PLEC: variants seen among roughly 807,000 people sequenced by gnomAD.
The protein encoded by PLEC is plectin, also known as hemidesmosomal protein 1.
PLEC carries 216 observed loss-of-function variants against 392.8 expected under a neutral mutation model. The ratio of observed to expected loss-of-function variants is 0.55; its 90% CI spans 0.49 to 0.62. PLEC has a LOEUF of 0.62. Among genes scored for constraint, PLEC ranks in the 20% least tolerant of loss-of-function variants. The pLI, the probability that PLEC is intolerant of heterozygous loss-of-function variation, is 0.00. For missense variants in PLEC, 6,863 were observed against 6,563.4 expected (o/e 1.05, Z -1.58); for synonymous variants, 3,621 against 2,980.6 (o/e 1.21, Z -7.00).
intron 1 of PLEC, among the ~76,000 whole-genome samples, chr8:143,970,448 C>G (rs1180975682): frequency 6.6e-6 from 1 of 152,140 alleles, no homozygotes; most frequent in South Asian, 2.1e-4. Flanking sequence ...TTACAGGGAG[C>G]TCAGACTGAG....
chr8:143,925,078 C>T lies in PLEC; in HGVS notation c.4851G>A (p.Gln1617=), dbSNP rs1419478027. The T allele has an allele frequency of 8.4e-6, 13 of 1,540,286 alleles. No homozygotes were observed. The highest frequency in any genetic ancestry group is 1.2e-5 in the South Asian group (1 of 84,774). Residue 1617 remains glutamine (Q), a synonymous_variant, in exon 31 of 32, where the codon CAG becomes CAA. Transcript: ENST00000345136. ...REEAERRAQQ[Q]AEAERAREEA... ...CCTCGCGCGCCCGCTCGGCCTCGGC[C>T]TGCTGCTGTGCCCGCCGCTCAGCCT...
At position 143,918,532 on chromosome 8, in the gene PLEC, C is replaced by T. The variant is rs373507638; in HGVS notation, c.11289G>A (p.Ser3763=). 19 of 1,609,374 alleles carry T rather than the reference C, an allele frequency of 1.2e-5. No individual in the cohort carries two copies. Among genetic ancestry groups the T allele is most frequent in the Admixed American group, 8.4e-5 (5 of 59,744 alleles). The change falls in exon 32 of 32, where the codon TCG becomes TCA. Residue 3763 remains serine, a synonymous_variant. Coordinates refer to ENST00000345136, the MANE Select transcript of PLEC (RefSeq NM_201384.3). ...VGPELHDRLL[S]AERAVTGYRD... Reference sequence around the variant, plus strand: ...GGTAGCCGGTGACCGCCCGCTCAGCCGAGAGCAGGCGGTCGTGCAGCTCGG... The same window carrying T: ...GGTAGCCGGTGACCGCCCGCTCAGCTGAGAGCAGGCGGTCGTGCAGCTCGG...
intron 25 of PLEC, 45 bp from the exon 26 acceptor site, chr8:143,928,037 A>C: frequency 6.4e-7 from 1 of 1,555,852 alleles, no homozygotes. Flanking sequence ...GGGCTCGAGC[A>C]ATAGCCCAAG....
chr8:143,935,222 C>T lies in PLEC; in HGVS notation c.694G>A (p.Val232Met), dbSNP rs1212780465. 9.3e-6 allele frequency: 15 copies of T among 1,612,478 alleles called. No individual in the cohort carries two copies. Among genetic ancestry groups the T allele is most frequent in the Non-Finnish European group, 1.3e-5 (15 of 1,179,952 alleles). The change falls in exon 7 of 32, where the codon GTG becomes ATG. Residue 232 changes from valine (V) to methionine (M), a missense_variant. Val to Met is a conservative substitution (Grantham distance 21). Coordinates refer to ENST00000345136, the MANE Select transcript of PLEC (RefSeq NM_201384.3). ...CCCTCAGGGTCCAGGAGCCGCGTCACTCCCAGGTCCCGCTCCGCCACAGAG... is the reference window on the plus strand; with the variant it reads ...CCCTCAGGGTCCAGGAGCCGCGTCATTCCCAGGTCCCGCTCCGCCACAGAG... ...AFSVAERDLG[V>M]TRLLDPEDVD...
chr8:143,962,888 A>T (rs1832931587), intron 1 of PLEC, among the ~76,000 whole-genome samples: 1 of 152,228 alleles, frequency 6.6e-6, no homozygotes, highest in Admixed American at 6.5e-5. Flanking sequence ...AAAAGGAAAC[A>T]GCATGGGTGA....
At position 143,950,059 on chromosome 8, in the gene PLEC, G is replaced by C. The variant is rs549134086; in HGVS notation, c.523+125C>G. 3.2e-6 allele frequency: 4 copies of C among 1,264,834 alleles called. No homozygotes were observed. In the South Asian group the frequency reaches 4.8e-5, roughly 15 times the overall value. The allele number at this position is 1,264,834 out of a possible 1,614,324, so 78.4% of individuals were successfully genotyped here. A position where few individuals can be genotyped will look rare whatever the true frequency, so the allele number is the denominator to read the frequency against. ...CTCGGCTAGGGGGGGCCACCTGCTG[G>C]TGTGAGCGACGCTCCGCAAGCCGGC... On this transcript the variant is annotated intron_variant, in intron 1 of 31. Coordinates refer to the PLEC transcript ENST00000322810.
In PLEC at chr8:143,930,554, C is replaced by T. The variant is rs782348541; in HGVS notation, c.2305-18G>A. On this transcript the variant is annotated intron_variant, in intron 19 of 31. Coordinates refer to ENST00000345136, the MANE Select transcript of PLEC (RefSeq NM_201384.3). ...TTCTCGTCCTGTGGGGGAGGGGCAG[C>T]ATCCAGACGAGGGCCATGGAGACCC... 25 of 1,573,598 alleles carry T rather than the reference C, an allele frequency of 1.6e-5. No homozygotes were observed. Among genetic ancestry groups the T allele is most frequent in the African/African-American group, 4.1e-5 (3 of 73,868 alleles).
Position 143,920,726 on chromosome 8 carries a change from T to G in PLEC, c.9095A>C (p.Glu3032Ala). The G allele has an allele frequency of 1.9e-6, 3 of 1,603,624 alleles. No homozygotes were observed. The highest frequency in any genetic ancestry group is 2.5e-6 in the Non-Finnish European group (3 of 1,179,890). ...GANVIAGVWL[E>A]EAGQKLSIYN... ...GATACTCAGCTTCTGCCCCGCCTCC[T>G]CCAGCCATACACCCGCGATGACGTT... Residue 3032 changes from glutamate to alanine, a missense_variant, in exon 32 of 32, where the codon GAG (glutamate) becomes GCG (alanine). Coordinates refer to ENST00000345136, the MANE Select transcript of PLEC (RefSeq NM_201384.3).
In PLEC at chr8:143,925,779, C is replaced by A. The variant is rs782681160; in HGVS notation, c.4150G>T (p.Ala1384Ser). ...QLAEAHAQAK[A>S]QAEREAKELQ... Reference sequence around the variant, plus strand: ...TCCTTCGCCTCCCGCTCCGCCTGTGCCTTTGCCTGGGCGTGCGCCTCGGCC... The same window carrying A: ...TCCTTCGCCTCCCGCTCCGCCTGTGACTTTGCCTGGGCGTGCGCCTCGGCC... Residue 1384 changes from alanine to serine, a missense_variant, in exon 31 of 32, where the codon GCA becomes TCA. Ala to Ser is a moderately conservative substitution (Grantham distance 99). Transcript: ENST00000345136. The A allele has an allele frequency of 3.0e-5, 48 of 1,588,296 alleles. No homozygotes were observed. The highest frequency in any genetic ancestry group is 3.7e-5 in the Non-Finnish European group (44 of 1,174,708).
At chr8:143,938,593 C>T in intron 2 of PLEC, 38 bp downstream of exon 2, 6 of 1,606,440 alleles carry the variant, frequency 3.7e-6, no homozygotes, top group Non-Finnish European at 5.1e-6. Context: ...CTCCCACAGC[C>T]TCAGCCCCTG....
rs1587007878 is a variant in PLEC at position 143,929,555 on chromosome 8, A to G, written c.2940T>C (p.Ser980=). ...QSLEQGAQEE[S]RCQRCISELK... The stretch of plus-strand genomic sequence containing the variant: ...GCTCGGAGATGCAGCGCTGGCAGCG[A>G]GACTCTTCCTGTGCACCTGGGGAAC... The change falls in exon 24 of 32, where the codon TCT becomes TCC. Residue 980 remains serine, a synonymous_variant. Coordinates refer to ENST00000345136, the MANE Select transcript of PLEC (RefSeq NM_201384.3). The G allele has an allele frequency of 6.2e-7, 1 of 1,612,572 alleles. No individual in the cohort carries two copies. Among genetic ancestry groups the G allele is most frequent in the East Asian group, 2.2e-5 (1 of 44,874 alleles).
Position 143,920,032 on chromosome 8 carries a change from A to G in PLEC, c.9789T>C (p.Thr3263=). 1.9e-5 allele frequency: 31 copies of G among 1,613,280 alleles called. No homozygotes were observed. Among genetic ancestry groups the G allele is most frequent in the Non-Finnish European group, 2.6e-5 (31 of 1,180,016 alleles). ...VWELISSEYF[T]AEQRQELLRQ... is the part of the protein sequence containing the mutation. Reference sequence around the variant, plus strand: ...GCAACAGCTCCTGCCGCTGCTCCGCAGTGAAGTACTCAGAGCTGATGAGCT... The same window carrying G: ...GCAACAGCTCCTGCCGCTGCTCCGCGGTGAAGTACTCAGAGCTGATGAGCT... The change falls in exon 32 of 32, where the codon ACT becomes ACC. Residue 3263 remains threonine (T), a synonymous_variant. Coordinates refer to ENST00000345136, the MANE Select transcript of PLEC (RefSeq NM_201384.3).
chr8:143,975,089 A>C, upstream of PLEC: 1 of 1,439,360 alleles, frequency 6.9e-7, no homozygotes, highest in South Asian at 1.2e-5. This position sits in a 1 kb window ranked among gnomAD's most constrained non-coding sequence, Gnocchi z 9.9. Context: ...TCCCCCACCC[A>C]GTCCCCGCTC....
intron 1 of PLEC, among the ~76,000 whole-genome samples, chr8:143,971,316 G>A (rs1833417932): frequency 3.3e-5 from 5 of 152,128 alleles, no homozygotes; most frequent in Admixed American, 3.3e-4. Flanking sequence ...CACAGGCCTG[G>A]CCTCCCTGCC....
At chr8:143,931,701 A>G in intron 18 of PLEC, 42 bp from the exon 19 acceptor site, 1 of 1,580,680 alleles carries the variant, frequency 6.3e-7, no homozygotes. Flanking sequence ...ACCTGGGACC[A>G]GAGCCCCAGC....
Position 143,921,639 on chromosome 8 carries a change from T to C in PLEC, c.8182A>G (p.Ile2728Val), listed in dbSNP as rs200061415. 6.7e-4 allele frequency: 1,075 copies of C among 1,612,856 alleles called. 13 individuals carry two copies. The highest frequency in any genetic ancestry group is 1.3e-4 in the Non-Finnish European group (155 of 1,179,904). ...RQLLSPGTALILLEAQAASGF... is the reference protein window; with the variant it reads ...RQLLSPGTALVLLEAQAASGF... ...GAGGCCGCCTGCGCCTCCAGCAGGA[T>C]GAGGGCCGTGCCGGGACTCAGCAGC... Residue 2728 changes from isoleucine to valine, a missense_variant, in exon 32 of 32, where the codon ATC becomes GTC. Ile to Val is a conservative substitution (Grantham distance 29). Coordinates refer to ENST00000345136, the MANE Select transcript of PLEC (RefSeq NM_201384.3).
In PLEC at chr8:143,933,238, G is replaced by A. The variant is rs1298888541; in HGVS notation, c.1377C>T (p.Leu459=). 5.0e-6 allele frequency: 8 copies of A among 1,613,002 alleles called. No individual in the cohort carries two copies. The African/African-American group carries it at 9.3e-5, about 19-fold the overall frequency. ...IRLLFNDVQT[L]KDGRHPQGEQ... ...CGCCCTGCGGGTGCCGTCCATCCTT[G>A]AGGGTCTGCACGTCGTTGAAGAGCA... The change falls in exon 13 of 32, where the codon CTC becomes CTT. Residue 459 remains leucine, a synonymous_variant. Coordinates refer to ENST00000345136, the MANE Select transcript of PLEC (RefSeq NM_201384.3).
At position 143,924,167 on chromosome 8, in the gene PLEC, C is replaced by T. The variant is rs557915279; in HGVS notation, c.5762G>A (p.Arg1921Gln). 46 of 1,598,962 alleles carry T rather than the reference C, an allele frequency of 2.9e-5. No homozygotes were observed. In the East Asian group the frequency reaches 4.7e-4, roughly 16 times the overall value. The change falls in exon 31 of 32, where the codon CGG (arginine) becomes CAG (glutamine). Residue 1921 changes from arginine (R) to glutamine (Q), a missense_variant. By Grantham distance (43) the Arg-to-Gln change is conservative. Transcript: ENST00000345136. ...GLVEDTLRQR[R>Q]QVEEEILALK... ...CGCCAGGATCTCCTCCTCCACCTGC[C>T]GCCGCTGCCTCAGCGTGTCCTCCAC...
At chr8:143,953,565 G>C (rs1361066415), upstream of PLEC, among the ~76,000 whole-genome samples, 1 of 152,164 alleles carries the variant, frequency 6.6e-6, no homozygotes, top group African/African-American at 2.4e-5. Flanking sequence ...GTGGAGCCCG[G>C]AGGGGGACGA....
Sources: allele counts gnomAD v4.1 joint callset (sites outside exome capture counted in the v4.1 genomes callset), GRCh38; gene constraint gnomAD v4.1.1; non-coding constraint Gnocchi (gnomAD v3.1); transcripts MANE v1.5; gene names NCBI Gene and HGNC (gene_info 2026-07-23, HGNC 2026-07-21).